Variants in ALPK1 observed in about 807,000 individuals in gnomAD.
The protein encoded by ALPK1 is alpha kinase 1, also known as alpha-protein kinase 1.
A neutral mutation model predicts 120.6 loss-of-function variants in ALPK1; 110 were observed. The ratio of observed to expected loss-of-function variants is 0.91; its 90% CI spans 0.78 to 1.07. ALPK1 has a LOEUF of 1.07. Among genes scored for constraint, ALPK1 ranks in the 50% least tolerant of loss-of-function variants. The pLI is 0.00. For missense variants in ALPK1, 1,498 were observed against 1,483.9 expected (o/e 1.01, Z -0.16); for synonymous variants, 582 against 560.3 (o/e 1.04, Z -0.55).
chr4:112,331,449 C>G (rs1578471730), intron 2 of ALPK1, among the ~76,000 whole-genome samples: 1 of 152,262 alleles, frequency 6.6e-6, no homozygotes, highest in Non-Finnish European at 1.5e-5. Flanking sequence ...TCATCTAACC[C>G]AACCTTTCAG....
intron 4 of ALPK1, among the ~76,000 whole-genome samples, chr4:112,403,919 G>A (rs577259696): frequency 2.6e-5 from 4 of 152,322 alleles, no homozygotes; most frequent in African/African-American, 9.6e-5. Context: ...GTGTTCTTGA[G>A]GGATGCAGAA....
intron 1 of ALPK1, among the ~76,000 whole-genome samples, chr4:112,302,095 C>G (rs927055389): frequency 6.6e-6 from 1 of 152,110 alleles, no homozygotes; most frequent in East Asian, 1.9e-4. Context: ...TAAAAAACAG[C>G]CCTCTTTCTT....
At chr4:112,425,131 T>G (rs1734179663) in intron 6 of ALPK1, 1 of 152,420 alleles carries the variant, frequency 6.6e-6, no homozygotes, top group East Asian at 1.9e-4. Flanking sequence ...GAAAGTCTCA[T>G]TATGTGAGCA....
chr4:112,371,646 C>A (rs544287102), intron 2 of ALPK1, among the ~76,000 whole-genome samples: 1 of 152,292 alleles, frequency 6.6e-6, no homozygotes, highest in South Asian at 2.1e-4. Flanking sequence ...CAACTGCATG[C>A]CCTATCTCTC....
intron 2 of ALPK1, among the ~76,000 whole-genome samples, chr4:112,334,267 T>C (rs1729515199): frequency 6.6e-6 from 1 of 151,954 alleles, no homozygotes; most frequent in African/African-American, 2.4e-5. Flanking sequence ...ACCCCATTTC[T>C]ACTAAAAATA....
intron 1 of ALPK1, among the ~76,000 whole-genome samples, chr4:112,312,165 C>A (rs1728433245): frequency 6.6e-6 from 1 of 152,092 alleles, no homozygotes; most frequent in African/African-American, 2.4e-5. Context: ...GTGCTTATTT[C>A]TTAGTAGGAT....
At chr4:112,439,920 G>A (rs777856348) in intron 14 of ALPK1, 48 bp downstream of exon 14, 32 of 1,452,336 alleles carry the variant, frequency 2.2e-5, no homozygotes, top group Non-Finnish European at 2.8e-5. Flanking sequence ...ATATGTAAAT[G>A]TGAAGTTTTG....
At chr4:112,403,191 T>A (rs536944146) in intron 4 of ALPK1, among the ~76,000 whole-genome samples, 207 of 152,174 alleles carry the variant, frequency 1.4e-3, no homozygotes, top group Middle Eastern at 6.8e-3. Context: ...CCTTCTGATG[T>A]CAGAGTGCCC....
chr4:112,357,355 T>C (rs4834267), intron 2 of ALPK1: 268,595 of 733,164 alleles, frequency 0.37, 52,372 homozygotes, highest in East Asian at 0.59. Context: ...AGAATGGCCC[T>C]GGTTCCCTGG....
chr4:112,429,299 A>C, intron 10 of ALPK1, 46 bp downstream of exon 10: 1 of 1,481,276 alleles, frequency 6.8e-7, no homozygotes, highest in South Asian at 1.2e-5. Flanking sequence ...GACCTCTCCC[A>C]GGGTGCTTTC....
intron 2 of ALPK1, chr4:112,356,904 G>C: frequency 1.3e-6 from 1 of 752,196 alleles, no homozygotes; most frequent in Non-Finnish European, 2.5e-6. Context: ...AAGAAGACGT[G>C]TGAAGGATTG....
intron 2 of ALPK1, among the ~76,000 whole-genome samples, chr4:112,364,391 T>A (rs1731048469): frequency 6.6e-6 from 1 of 152,004 alleles, no homozygotes; most frequent in African/African-American, 2.4e-5. Flanking sequence ...CTACAACTGA[T>A]ACCACAGAAA....
At chr4:112,428,653 CACTTT>C (rs1734346204) in intron 9 of ALPK1, among the ~76,000 whole-genome samples, 2 of 152,192 alleles carry the variant, frequency 1.3e-5, no homozygotes, top group African/African-American at 4.8e-5. Flanking sequence ...AAATACTATG[CACTTT>C]ACTTGTTTTG....
intron 1 of ALPK1, among the ~76,000 whole-genome samples, chr4:112,304,069 G>A (rs1432680504): frequency 6.6e-6 from 1 of 152,132 alleles, no homozygotes; most frequent in Admixed American, 6.5e-5. Flanking sequence ...TCCCTATAAA[G>A]GACATGAACT....
chr4:112,342,917 A>G (rs1457257732), intron 2 of ALPK1: 1 of 152,262 alleles, frequency 6.6e-6, no homozygotes, highest in African/African-American at 2.4e-5. Flanking sequence ...GGCCCAGAAT[A>G]CATGGGACCT....
At chr4:112,328,249 T>C (rs896286414) in intron 2 of ALPK1, among the ~76,000 whole-genome samples, 1 of 152,366 alleles carries the variant, frequency 6.6e-6, no homozygotes, top group African/African-American at 2.4e-5. Context: ...TCATGCCCAC[T>C]GTTGTGGGAC....
chr4:112,315,271 T>C (rs1419460404), intron 1 of ALPK1, among the ~76,000 whole-genome samples: 1 of 152,180 alleles, frequency 6.6e-6, no homozygotes, highest in Non-Finnish European at 1.5e-5. Flanking sequence ...GGGATTCCCA[T>C]TTTTCTGGCA....
chr4:112,372,442 T>C (rs928964629), intron 2 of ALPK1, among the ~76,000 whole-genome samples: 10 of 152,078 alleles, frequency 6.6e-5, no homozygotes, highest in African/African-American at 2.4e-4. Flanking sequence ...ATCTCCTGAC[T>C]TCATGGTCCA....
At chr4:112,305,515 G>T (rs993319312) in intron 1 of ALPK1, among the ~76,000 whole-genome samples, 3 of 152,052 alleles carry the variant, frequency 2.0e-5, no homozygotes, top group African/African-American at 7.3e-5. Flanking sequence ...TGAAGCAATT[G>T]TGAATGGAAG....
Sources: allele counts gnomAD v4.1 joint callset (sites outside exome capture counted in the v4.1 genomes callset), GRCh38; gene constraint gnomAD v4.1.1; transcripts MANE v1.5; gene names NCBI Gene and HGNC (gene_info 2026-07-23, HGNC 2026-07-21).